PRSS57: variants seen among roughly 807,000 people sequenced by gnomAD.
PRSS57 encodes the protein neutrophil serine protease 4.
PRSS57 carries 19 observed loss-of-function variants against 20.6 expected under a neutral mutation model. The observed-to-expected ratio is 0.92, with a 90% CI of 0.64 to 1.35. PRSS57 has a LOEUF of 1.35. Among genes scored for constraint, PRSS57 ranks in the 40% most tolerant of loss-of-function variants. PRSS57 has a pLI of 0.00. For synonymous variants in PRSS57, 203 were observed against 176.6 expected (o/e 1.15, Z -1.19); for missense variants, 440 against 403.7 (o/e 1.09, Z -0.77).
At chr19:687,729 T>G (rs56279253) in intron 3 of PRSS57, among the ~76,000 whole-genome samples, 3,607 of 152,202 alleles carry the variant, frequency 0.024, 65 homozygotes, top group South Asian at 0.048. Flanking sequence ...AAACTCCATC[T>G]CCTTCCTTAC....
At chr19:687,298 C>T (rs895774471) in intron 3 of PRSS57, 110 bp from the exon 4 acceptor site, 40 of 1,296,366 alleles carry the variant, frequency 3.1e-5, no homozygotes, top group African/African-American at 2.7e-4. Context: ...AAATCAATGG[C>T]GGCCACCATG....
At position 689,420 on chromosome 19, in the gene PRSS57, G is replaced by GTACA. The variant is rs376348995; in HGVS notation, c.379-2236_379-2233dup. ...GGTGTCTGGGGAACTGGTGCACTGG[G>GTACA]TACAGCTGGTGCAGAGCTCGGAGCG... is the stretch of plus-strand genomic sequence containing the variant. On this transcript the variant is annotated intron_variant, in intron 3 of 4. Coordinates refer to ENST00000329267, the MANE Select transcript of PRSS57 (RefSeq NM_001308209.2). Among the ~76,000 whole-genome samples, 387 of 152,264 alleles carry GTACA rather than the reference G, an allele frequency of 2.5e-3. 2 individuals are homozygous for GTACA. The highest frequency in any genetic ancestry group is 8.7e-3 in the African/African-American group (363 of 41,530).
At chr19:690,936 C>A in intron 3 of PRSS57, 3 of 474,088 alleles carry the variant, frequency 6.3e-6, no homozygotes, top group East Asian at 5.4e-5. Context: ...CGCCTGTGCT[C>A]AAGAAGCTGC....
At chr19:689,162 CA>C (rs1239207137) in intron 3 of PRSS57, among the ~76,000 whole-genome samples, 1 of 119,960 alleles carries the variant, frequency 8.3e-6, no homozygotes, top group Non-Finnish European at 1.8e-5. Flanking sequence ...AAGGGTGGTC[CA>C]GGGGTTAGCA....
intron 2 of PRSS57, among the ~76,000 whole-genome samples, chr19:692,877 T>C (rs35526822): frequency 0.75 from 114,118 of 151,756 alleles, 43,208 homozygotes; most frequent in Non-Finnish European, 0.79. Flanking sequence ...ATAAGTTCTA[T>C]TTCAATTATA....
At chr19:687,865 C>T (rs2031522744) in intron 3 of PRSS57, among the ~76,000 whole-genome samples, 1 of 152,180 alleles carries the variant, frequency 6.6e-6, no homozygotes. Flanking sequence ...TACAGCTACT[C>T]CCTGGGCCTG....
At chr19:686,861 G>C (rs2031486794) in intron 4 of PRSS57, 64 bp downstream of exon 4, 3 of 1,554,274 alleles carry the variant, frequency 1.9e-6, no homozygotes, top group Non-Finnish European at 2.6e-6. Context: ...TCCTGGCCCT[G>C]ACCCTCTCTG....
intron 3 of PRSS57, chr19:690,827 A>G: frequency 3.0e-6 from 1 of 334,312 alleles, no homozygotes. Context: ...GGGGAACAAG[A>G]TCGGCAAGCC....
At chr19:690,685 G>A (rs565521366) in intron 3 of PRSS57, 26 of 297,362 alleles carry the variant, frequency 8.7e-5, no homozygotes, top group South Asian at 3.6e-4. Flanking sequence ...GGTTCGAGGC[G>A]TCTGTTCCCA....
chr19:685,737 C>A lies in PRSS57; in HGVS notation c.828G>T (p.Arg276Ser). Reference sequence around the variant, plus strand: ...TGGCTCAGGCGGCTTCTCCTGGGGGCCTGGTGGTCCCAGGCAGGGGGCCGG... The same window carrying A: ...TGGCTCAGGCGGCTTCTCCTGGGGGACTGGTGGTCCCAGGCAGGGGGCCGG... ...PQPGPLPGTT[R>S]PPGEAA The change falls in exon 5 of 5, where the codon AGG becomes AGT. Residue 276 changes from arginine to serine, a missense_variant. By Grantham distance (110) the Arg-to-Ser change is moderately radical (BLOSUM62 -1). Transcript: ENST00000329267. The A allele has an allele frequency of 6.4e-7, 1 of 1,552,180 alleles. No individual in the cohort carries two copies. Among genetic ancestry groups the A allele is most frequent in the Non-Finnish European group, 8.7e-7 (1 of 1,144,016 alleles).
chr19:694,744 C>G, intron 2 of PRSS57, 70 bp downstream of exon 2: 4 of 1,493,082 alleles, frequency 2.7e-6, no homozygotes, highest in South Asian at 2.6e-5. Context: ...CCAGCTCCCC[C>G]ACCAGCCTGG....
Position 685,791 on chromosome 19 carries a change from C to G in PRSS57, c.774G>C (p.Trp258Cys), listed in dbSNP as rs779641540. The G allele has an allele frequency of 2.2e-5, 34 of 1,567,056 alleles. No homozygotes were observed. The highest frequency in any genetic ancestry group is 2.0e-5 in the Non-Finnish European group (23 of 1,155,158). ...TQVSAFVAWI[W>C]DVVRRSSPQP... The stretch of plus-strand genomic sequence containing the variant: ...GGGGACTGCTCCGCCGAACCACGTC[C>G]CAGATCCAGGCCACAAAGGCGGACA... The change falls in exon 5 of 5, where the codon TGG becomes TGC. Residue 258 changes from tryptophan to cysteine, a missense_variant. By Grantham distance (215) the Trp-to-Cys change is radical. Coordinates refer to ENST00000329267, the MANE Select transcript of PRSS57 (RefSeq NM_001308209.2).
intron 2 of PRSS57, among the ~76,000 whole-genome samples, chr19:694,578 A>G (rs968039478): frequency 6.6e-6 from 1 of 151,354 alleles, no homozygotes; most frequent in Non-Finnish European, 1.5e-5. Flanking sequence ...AAAAAAGAAC[A>G]TAGTGACAGT....
chr19:689,856 C>A (rs942489669), intron 3 of PRSS57, among the ~76,000 whole-genome samples: 2 of 152,188 alleles, frequency 1.3e-5, no homozygotes, highest in African/African-American at 4.8e-5. Flanking sequence ...GAGTTAAGAC[C>A]AGCCTGGCCA....
intron 3 of PRSS57, among the ~76,000 whole-genome samples, 184 bp from the exon 4 acceptor site, chr19:687,372 G>T (rs185188605): frequency 2.6e-5 from 4 of 152,308 alleles, no homozygotes; most frequent in Non-Finnish European, 5.9e-5. Flanking sequence ...GGCCTCCAGG[G>T]TCACCGTCAG....
Position 694,153 on chromosome 19 carries a change from C to T in PRSS57, c.233+661G>A, listed in dbSNP as rs559982008. ...CAACGTGAGGGGGACTGCAGGCTGG[C>T]GGGGGAGCTGGGGACACTGCAGCCC... On this transcript the variant is annotated intron_variant, in intron 2 of 4. Transcript: ENST00000329267. 1.2e-4 allele frequency among the ~76,000 whole-genome samples: 18 copies of T among 151,914 alleles called. No individual in the cohort carries two copies. The South Asian group carries it at 3.1e-3, about 26-fold the overall frequency.
At chr19:693,791 G>C (rs1443739323) in intron 2 of PRSS57, among the ~76,000 whole-genome samples, 1 of 152,012 alleles carries the variant, frequency 6.6e-6, no homozygotes, top group African/African-American at 2.4e-5. Flanking sequence ...CCAGGCTGGA[G>C]TGCAGTGGCG....
rs919401501 is a variant in PRSS57 at position 691,849 on chromosome 19, G to C, written c.378+9C>G. Reference sequence around the variant, plus strand: ...CTAAACATACGTCAGATCCACCCCCGGGGCTCACCCGCAGCAGGCAGATGT... The same window carrying C: ...CTAAACATACGTCAGATCCACCCCCCGGGCTCACCCGCAGCAGGCAGATGT... On this transcript the variant is annotated intron_variant, in intron 3 of 4. Coordinates refer to ENST00000329267, the MANE Select transcript of PRSS57 (RefSeq NM_001308209.2). 28 of 1,327,748 alleles carry C rather than the reference G, an allele frequency of 2.1e-5. No homozygotes were observed. The highest frequency in any genetic ancestry group is 2.7e-5 in the Non-Finnish European group (28 of 1,029,006). The allele number at this position is 1,327,748 out of a possible 1,614,324, so 82.2% of individuals were successfully genotyped here.
intron 2 of PRSS57, among the ~76,000 whole-genome samples, chr19:693,728 A>G (rs893072634): frequency 4.7e-5 from 7 of 150,198 alleles, no homozygotes; most frequent in Non-Finnish European, 8.9e-5. Context: ...ACTTGCTACC[A>G]TGCCCAACTA....
Sources: allele counts gnomAD v4.1 joint callset (sites outside exome capture counted in the v4.1 genomes callset), GRCh38; gene constraint gnomAD v4.1.1; transcripts MANE v1.5; gene names NCBI Gene and HGNC (gene_info 2026-07-23, HGNC 2026-07-21).